Variants in SAMD8 observed in about 807,000 individuals in gnomAD.
The protein encoded by SAMD8 is sterile alpha motif domain containing 8.
SAMD8 carries 20 observed loss-of-function variants against 42.0 expected under a neutral mutation model. The ratio of observed to expected loss-of-function variants is 0.48; its 90% CI spans 0.34 to 0.69. The LOEUF (loss-of-function observed/expected upper bound fraction) is 0.69, where lower values mean the gene tolerates loss of function less well. Among genes scored for constraint, SAMD8 ranks in the 30% least tolerant of loss-of-function variants. SAMD8 has a pLI of 0.01. For missense variants in SAMD8, 328 were observed against 511.6 expected, an observed-to-expected ratio of 0.64 and a Z score of 3.46; for synonymous variants, 162 against 173.0, an observed-to-expected ratio of 0.94 and a Z score of 0.50.
At chr10:75,162,791 G>A (rs1840588511) in intron 2 of SAMD8, among the ~76,000 whole-genome samples, 1 of 152,008 alleles carries the variant, frequency 6.6e-6, no homozygotes, top group African/African-American at 2.4e-5. Flanking sequence ...TTGCCCTGGA[G>A]GAAAAATTGA....
intron 1 of SAMD8, chr10:75,101,763 C>A: frequency 1.3e-6 from 1 of 773,638 alleles, no homozygotes; most frequent in Non-Finnish European, 2.0e-6. Context: ...CTACCCAACC[C>A]AAACCCCACC....
chr10:75,164,597 A>G (rs377693964), intron 2 of SAMD8, 48 bp from the exon 3 acceptor site: 1 of 1,588,986 alleles, frequency 6.3e-7, no homozygotes, highest in Non-Finnish European at 8.6e-7. Flanking sequence ...GGGTGGCATC[A>G]TTCACATGTA....
intron 3 of SAMD8, among the ~76,000 whole-genome samples, chr10:75,165,586 G>A (rs1386936810): frequency 6.6e-6 from 1 of 151,650 alleles, no homozygotes; most frequent in Non-Finnish European, 1.5e-5. Context: ...CAGGAGAATG[G>A]CATGAACCCA....
rs1427825556 is a variant in SAMD8 at position 75,180,756 on chromosome 10, T to C, written c.*4064T>C. The C allele has an allele frequency of 6.6e-6, 1 of 152,162 alleles. No individual in the cohort carries two copies. The highest frequency in any genetic ancestry group is 2.4e-5 in the African/African-American group (1 of 41,432). The allele number at this position is 152,162 out of a possible 1,614,324, so 9.4% of individuals were successfully genotyped here. Reference sequence around the variant, plus strand: ...TAAGAATTCCAGAAATCCTGTAATTTGTAAATGGGAAACAGAGGAACCAGA... The same window carrying C: ...TAAGAATTCCAGAAATCCTGTAATTCGTAAATGGGAAACAGAGGAACCAGA... On this transcript the variant is annotated 3_prime_UTR_variant, in exon 6 of 6. Coordinates refer to ENST00000542569, the MANE Select transcript of SAMD8 (RefSeq NM_001174156.2).
Position 75,169,199 on chromosome 10 carries a change from T to C in SAMD8, c.792+541T>C, listed in dbSNP as rs544447180. 2.8e-5 allele frequency among the ~76,000 whole-genome samples: 4 copies of C among 143,132 alleles called. No homozygotes were observed. The South Asian group carries it at 8.9e-4, about 32-fold the overall frequency. The allele number at this position is 143,132 out of a possible 152,430, so 93.9% of individuals were successfully genotyped here. A position where few individuals can be genotyped will look rare whatever the true frequency, so the allele number is the denominator to read the frequency against. ...AAAAAAAAAAAAAAAAAAAAGTTTT[T>C]ATTTTGGCCGGGCGCAGTGGCTCAT... On this transcript the variant is annotated intron_variant, in intron 4 of 5. Coordinates refer to ENST00000542569, the MANE Select transcript of SAMD8 (RefSeq NM_001174156.2).
chr10:75,178,451 C>A lies in SAMD8; in HGVS notation c.*1759C>A, dbSNP rs117285586. On this transcript the variant is annotated 3_prime_UTR_variant, in exon 6 of 6. Coordinates refer to ENST00000542569, the MANE Select transcript of SAMD8 (RefSeq NM_001174156.2). ...TGCCAGTTAGAGTGGTTTGACCCTTCAGGTAAAAAGATATGTTACTGTTAT... is the reference window on the plus strand; with the variant it reads ...TGCCAGTTAGAGTGGTTTGACCCTTAAGGTAAAAAGATATGTTACTGTTAT... 2 of 152,196 alleles carry A rather than the reference C, an allele frequency of 1.3e-5. No individual in the cohort carries two copies. Among genetic ancestry groups the A allele is most frequent in the Non-Finnish European group, 2.9e-5 (2 of 68,036 alleles). 9.4% of individuals were successfully genotyped at this position (152,196 alleles called of 1,614,324 possible).
At position 75,178,564 on chromosome 10, in the gene SAMD8, A is replaced by G. The variant is rs1244114585; in HGVS notation, c.*1872A>G. The G allele has an allele frequency of 6.6e-6, 1 of 152,354 alleles. No individual in the cohort carries two copies. Among genetic ancestry groups the G allele is most frequent in the Non-Finnish European group, 1.5e-5 (1 of 68,042 alleles). The allele number at this position is 152,354 out of a possible 1,614,324, so 9.4% of individuals were successfully genotyped here. A position where few individuals can be genotyped will look rare whatever the true frequency, so the allele number is the denominator to read the frequency against. ...AGGGTTCAAAAAACTGTATGGCAAC[A>G]TTAATGCTAAAATGTTAAGCCGAGT... On this transcript the variant is annotated 3_prime_UTR_variant, in exon 6 of 6. Transcript: ENST00000542569.
chr10:75,101,627 T>C (rs989573015), intron 1 of SAMD8, among the ~76,000 whole-genome samples: 2 of 152,168 alleles, frequency 1.3e-5, no homozygotes, highest in African/African-American at 2.4e-5. Flanking sequence ...AAACCGAGAC[T>C]CAGAGAGGTT....
intron 2 of SAMD8, among the ~76,000 whole-genome samples, chr10:75,156,846 A>G (rs1840420977): frequency 6.6e-6 from 1 of 152,152 alleles, no homozygotes; most frequent in Non-Finnish European, 1.5e-5. Flanking sequence ...GAAAACAAAA[A>G]TAATGCTATA....
chr10:75,165,564 G>T (rs914247879), intron 3 of SAMD8, among the ~76,000 whole-genome samples: 6 of 152,078 alleles, frequency 3.9e-5, no homozygotes, highest in Non-Finnish European at 8.8e-5. Flanking sequence ...CAGCTAACTT[G>T]GGAGGCTGAG....
At chr10:75,105,667 C>T (rs1174572058) in intron 1 of SAMD8, 6 of 1,548,700 alleles carry the variant, frequency 3.9e-6, no homozygotes, top group Non-Finnish European at 5.2e-6. Context: ...TCACCTGGCC[C>T]CTCAGCTCTG....
intron 2 of SAMD8, among the ~76,000 whole-genome samples, chr10:75,158,051 C>A (rs948216003): frequency 6.6e-6 from 1 of 151,246 alleles, no homozygotes; most frequent in Non-Finnish European, 1.5e-5. Context: ...CCCAGCTACT[C>A]GGGAGGCTGA....
chr10:75,139,759 A>T (rs1839974701), intron 1 of SAMD8, among the ~76,000 whole-genome samples: 1 of 152,218 alleles, frequency 6.6e-6, no homozygotes, highest in African/African-American at 2.4e-5. Flanking sequence ...AACCATGCAG[A>T]AACTTGCAGA....
At chr10:75,133,450 A>G (rs1380969506) in intron 1 of SAMD8, among the ~76,000 whole-genome samples, 2 of 152,182 alleles carry the variant, frequency 1.3e-5, no homozygotes, top group Non-Finnish European at 2.9e-5. Flanking sequence ...CAATCTCTCT[A>G]TTGGATATAT....
rs1179305581 is a variant in SAMD8, at chr10:75,170,479, G to A, written c.792+1821G>A. Among the ~76,000 whole-genome samples the A allele has an allele frequency of 3.9e-5, 6 of 152,238 alleles. No homozygotes were observed. The East Asian group carries it at 1.2e-3, about 29-fold the overall frequency. On this transcript the variant is annotated intron_variant, in intron 4 of 5. Coordinates refer to ENST00000542569, the MANE Select transcript of SAMD8 (RefSeq NM_001174156.2). ...CTTAGACTGACCAGTAAGAAAGGGG[G>A]AAGGGTTGATATGACACAGGATTTC...
chr10:75,131,125 C>T (rs756224863), intron 1 of SAMD8, among the ~76,000 whole-genome samples: 7 of 152,134 alleles, frequency 4.6e-5, no homozygotes, highest in Admixed American at 2.0e-4. Context: ...ATGAAATCAC[C>T]CTGCAGGGTC....
intron 1 of SAMD8, among the ~76,000 whole-genome samples, chr10:75,142,965 T>C (rs1412151734): frequency 2.6e-5 from 4 of 152,202 alleles, no homozygotes; most frequent in Admixed American, 1.3e-4. Context: ...ATAAGTGCAT[T>C]GTTGGCTATT....
In SAMD8 at chr10:75,159,283, C is replaced by G. The variant is rs1433727199; in HGVS notation, c.579-5362C>G. On this transcript the variant is annotated intron_variant, in intron 2 of 5. Coordinates refer to ENST00000542569, the MANE Select transcript of SAMD8 (RefSeq NM_001174156.2). ...ATGTTGGCCAGGCTGGTCTCAAGCT[C>G]CTGACCTCAAGAGATCCGCTCATCT... Among the ~76,000 whole-genome samples the G allele has an allele frequency of 1.3e-5, 2 of 152,052 alleles. 1 individual carries two copies. Among genetic ancestry groups the G allele is most frequent in the Non-Finnish European group, 2.9e-5 (2 of 68,028 alleles).
intron 1 of SAMD8, among the ~76,000 whole-genome samples, chr10:75,104,687 G>A (rs1312235136): frequency 2.0e-5 from 3 of 152,166 alleles, no homozygotes; most frequent in Non-Finnish European, 4.4e-5. Flanking sequence ...CTTGGCTACA[G>A]GCCAATCTCA....
Sources: gnomAD v4.1 joint callset for allele counts (sites outside exome capture counted in the v4.1 genomes callset) on GRCh38, gnomAD v4.1.1 for gene constraint, MANE v1.5 for transcripts, NCBI Gene and HGNC (gene_info 2026-07-23, HGNC 2026-07-21) for gene names.